PACS1: variants seen among roughly 807,000 people sequenced by gnomAD.
PACS1 encodes the protein PACS-1.
In PACS1, 24 loss-of-function variants were observed where a neutral mutation model predicts 115.0. That is an observed-to-expected ratio of 0.21 (90% confidence interval 0.15 to 0.29). The LOEUF (loss-of-function observed/expected upper bound fraction) is 0.29, where lower values mean the gene tolerates loss of function less well. Ranked by LOEUF, PACS1 falls within the 10% of genes least tolerant of loss-of-function variation. The probability of loss-of-function intolerance (pLI) is 1.00; values close to 1 mark genes in which losing one functional copy is unlikely to be tolerated. For missense variants in PACS1, 838 were observed against 1,251.2 expected (o/e 0.67, Z 4.98); for synonymous variants, 453 against 504.5 (o/e 0.90, Z 1.37).
intron 1 of PACS1, among the ~76,000 whole-genome samples, chr11:66,087,814 C>A (rs948472813): frequency 2.0e-5 from 3 of 152,054 alleles, no homozygotes; most frequent in Non-Finnish European, 2.9e-5. Flanking sequence ...GTCAGATTGC[C>A]GGGCTGTGGG....
At chr11:66,232,776 G>A (rs1364340056) in intron 14 of PACS1, among the ~76,000 whole-genome samples, 184 bp from the exon 15 acceptor site, 1 of 152,162 alleles carries the variant, frequency 6.6e-6, no homozygotes, top group Admixed American at 6.5e-5. Flanking sequence ...TGCGTGTCTC[G>A]TGGGTCGGCC....
intron 1 of PACS1, among the ~76,000 whole-genome samples, chr11:66,142,458 A>T (rs1025566283): frequency 4.0e-5 from 6 of 151,764 alleles, no homozygotes; most frequent in African/African-American, 1.5e-4. Context: ...GGCACTTGCC[A>T]CCACGCCCAG....
chr11:66,222,112 T>C (rs1384893892), intron 10 of PACS1, among the ~76,000 whole-genome samples: 1 of 152,112 alleles, frequency 6.6e-6, no homozygotes, highest in Non-Finnish European at 1.5e-5. Context: ...CAAGACCTTA[T>C]CTCAACAAAC....
chr11:66,169,325 TGAA>T (rs1422359576), intron 1 of PACS1, among the ~76,000 whole-genome samples: 1 of 150,628 alleles, frequency 6.6e-6, no homozygotes, highest in Non-Finnish European at 1.5e-5. Flanking sequence ...CTGTTAATGA[TGAA>T]GATTACAGGC....
chr11:66,156,134 GTATAT>G, intron 1 of PACS1, among the ~76,000 whole-genome samples: 1 of 144,666 alleles, frequency 6.9e-6, no homozygotes, highest in African/African-American at 2.6e-5. Flanking sequence ...GTTTCCACTG[GTATAT>G]TGTATGTAAA....
chr11:66,240,355 G>C (rs1016263039), intron 21 of PACS1, among the ~76,000 whole-genome samples: 1 of 152,164 alleles, frequency 6.6e-6, no homozygotes, highest in Non-Finnish European at 1.5e-5. Context: ...GAGGTGAGGA[G>C]AGCAGGCGTG....
chr11:66,142,701 G>A (rs1344057676), intron 1 of PACS1, among the ~76,000 whole-genome samples: 2 of 151,852 alleles, frequency 1.3e-5, no homozygotes, highest in African/African-American at 4.8e-5. Flanking sequence ...AAGCTGAATG[G>A]GAGTGGGGCT....
intron 1 of PACS1, among the ~76,000 whole-genome samples, chr11:66,147,262 A>G (rs561324187): frequency 6.6e-6 from 1 of 152,342 alleles, no homozygotes; most frequent in East Asian, 1.9e-4. Flanking sequence ...TAGCAAAAGT[A>G]TTCTTCAAAA....
chr11:66,115,471 G>T (rs1858284792), intron 1 of PACS1, among the ~76,000 whole-genome samples: 1 of 152,162 alleles, frequency 6.6e-6, no homozygotes, highest in Admixed American at 6.5e-5. Context: ...CAAGAAACCT[G>T]TCTTTCCATC....
intron 2 of PACS1, among the ~76,000 whole-genome samples, chr11:66,195,528 G>A (rs1854630938): frequency 6.6e-6 from 1 of 152,108 alleles, no homozygotes; most frequent in African/African-American, 2.4e-5. Context: ...TCCCCACTGC[G>A]TTTGCCATCC....
intron 1 of PACS1, among the ~76,000 whole-genome samples, chr11:66,190,178 A>G (rs1166791599): frequency 6.6e-6 from 1 of 152,200 alleles, no homozygotes; most frequent in Non-Finnish European, 1.5e-5. Flanking sequence ...TACCTGATCT[A>G]CAGGTATGCT....
rs1159581466 is a variant in PACS1, at chr11:66,233,613, G to A, written c.1839-172G>A. On this transcript the variant is annotated intron_variant, in intron 15 of 23. Transcript: ENST00000320580. The surrounding 1 kb of genome is among the most constrained non-coding windows in gnomAD (Gnocchi z 4.5). ...CCTCTGACCCTGGATTTTTCTCTTGGTTGTGAAAGCACTGTGGCTTATTCC... is the reference window on the plus strand; with the variant it reads ...CCTCTGACCCTGGATTTTTCTCTTGATTGTGAAAGCACTGTGGCTTATTCC... Among the ~76,000 whole-genome samples the A allele has an allele frequency of 6.6e-6, 1 of 152,232 alleles. No homozygotes were observed. Among genetic ancestry groups the A allele is most frequent in the African/African-American group, 2.4e-5 (1 of 41,452 alleles).
At chr11:66,217,414 G>A (rs1481576419) in intron 7 of PACS1, 2 of 370,538 alleles carry the variant, frequency 5.4e-6, no homozygotes, top group East Asian at 8.2e-5. Flanking sequence ...TGGAGTGCCT[G>A]CATGAAGTGT....
chr11:66,160,369 A>G (rs1446590266), intron 1 of PACS1, among the ~76,000 whole-genome samples: 2 of 152,190 alleles, frequency 1.3e-5, no homozygotes, highest in Non-Finnish European at 2.9e-5. Context: ...ACATAACAGT[A>G]TCTGGCTTAT....
chr11:66,193,786 G>A (rs1854585977), intron 2 of PACS1, among the ~76,000 whole-genome samples: 1 of 152,136 alleles, frequency 6.6e-6, no homozygotes, highest in South Asian at 2.1e-4. Context: ...ACCTATCTTT[G>A]TCTGAAGAAC....
In PACS1 at chr11:66,210,016, A is replaced by AT. The variant is rs897172721; in HGVS notation, c.445-336dup. Among the ~76,000 whole-genome samples the AT allele has an allele frequency of 7.4e-4, 109 of 148,238 alleles. 1 individual carries two copies. Among genetic ancestry groups the AT allele is most frequent in the Non-Finnish European group, 3.4e-4 (23 of 66,696 alleles). On this transcript the variant is annotated intron_variant, in intron 2 of 23. Coordinates refer to ENST00000320580, the MANE Select transcript of PACS1 (RefSeq NM_018026.4). ...ATTTTTGGTGACACAGCTTTGACAG[A>AT]TTTTTTTTTTCTTTTTATTATTGAT...
In PACS1 at chr11:66,180,919, A is replaced by C. The variant is rs565707441; in HGVS notation, c.357-12567A>C. On this transcript the variant is annotated intron_variant, in intron 1 of 23. Coordinates refer to ENST00000320580, the MANE Select transcript of PACS1 (RefSeq NM_018026.4). ...AGTGATCCACCCTCCTTGGCCTCCCAAAGTGCTGGGATTGCAGGTGTGAGC... is the reference window on the plus strand; with the variant it reads ...AGTGATCCACCCTCCTTGGCCTCCCCAAGTGCTGGGATTGCAGGTGTGAGC... 3.3e-5 allele frequency among the ~76,000 whole-genome samples: 5 copies of C among 152,306 alleles called. No homozygotes were observed. The East Asian group carries it at 9.7e-4, about 29-fold the overall frequency.
At chr11:66,205,415 ATTTGT>A (rs1167620684) in intron 2 of PACS1, among the ~76,000 whole-genome samples, 8 of 152,158 alleles carry the variant, frequency 5.3e-5, no homozygotes, top group African/African-American at 1.9e-4. Context: ...TAATTGGAAT[ATTTGT>A]AACATAAATA....
At chr11:66,163,367 A>G (rs1333879668) in intron 1 of PACS1, among the ~76,000 whole-genome samples, 1 of 151,954 alleles carries the variant, frequency 6.6e-6, no homozygotes, top group Non-Finnish European at 1.5e-5. Flanking sequence ...AAAAAAAAAA[A>G]AAAAAGTTAT....
Sources: allele counts gnomAD v4.1 joint callset (sites outside exome capture counted in the v4.1 genomes callset), GRCh38; gene constraint gnomAD v4.1.1; non-coding constraint Gnocchi (gnomAD v3.1); transcripts MANE v1.5; gene names NCBI Gene and HGNC (gene_info 2026-07-23, HGNC 2026-07-21).